Variants in NBAS observed in about 807,000 individuals in gnomAD.
The protein encoded by NBAS is NBAS subunit of NRZ tethering complex, also known as NAG/BC035112 fusion.
A neutral mutation model predicts 302.5 loss-of-function variants in NBAS; 219 were observed. That is an observed-to-expected ratio of 0.72 (90% CI 0.65 to 0.81). The LOEUF is 0.81. Among genes scored for constraint, NBAS ranks in the 30% least tolerant of loss-of-function variants. The probability of loss-of-function intolerance (pLI) is 0.00; values close to 1 mark genes in which losing one functional copy is unlikely to be tolerated. For missense variants in NBAS, 2,932 were observed against 2,841.6 expected (o/e 1.03, Z -0.72); for synonymous variants, 1,118 against 1,021.6 (o/e 1.09, Z -1.80).
intron 7 of NBAS, among the ~76,000 whole-genome samples, chr2:15,538,070 G>C (rs75327419): frequency 0.039 from 5,958 of 152,206 alleles, 365 homozygotes; most frequent in African/African-American, 0.13. Flanking sequence ...CATTAATAAT[G>C]TTTTATATTG....
At chr2:15,049,937 C>G in the NBAS span, among the ~76,000 whole-genome samples, 1 of 152,226 alleles carries the variant, frequency 6.6e-6, no homozygotes, top group African/African-American at 2.4e-5. Context: ...GACATGCTAG[C>G]CGCAGGTATC....
At chr2:14,969,391 T>A in the NBAS span, among the ~76,000 whole-genome samples, 2 of 149,346 alleles carry the variant, frequency 1.3e-5, no homozygotes, top group East Asian at 2.0e-4. Flanking sequence ...TATTATTATT[T>A]TTGAGATGGA....
At chr2:15,336,405 T>C (rs1165344136) in intron 35 of NBAS, among the ~76,000 whole-genome samples, 1 of 152,210 alleles carries the variant, frequency 6.6e-6, no homozygotes, top group Non-Finnish European at 1.5e-5. Flanking sequence ...CTGCTTTTAC[T>C]GTGCTGATTA....
chr2:15,037,988 G>A, the NBAS span, among the ~76,000 whole-genome samples: 1 of 151,202 alleles, frequency 6.6e-6, no homozygotes, highest in African/African-American at 2.4e-5. Context: ...GCCTCAAATT[G>A]GATACACTTC....
At chr2:14,828,723 G>A in the NBAS span, among the ~76,000 whole-genome samples, 4 of 152,164 alleles carry the variant, frequency 2.6e-5, no homozygotes, top group Non-Finnish European at 5.9e-5. Flanking sequence ...AGTGGAGCAG[G>A]AAGAAGTGAA....
chr2:15,550,119 C>A lies in NBAS; in HGVS notation c.379+1374G>T, dbSNP rs370695253. Among the ~76,000 whole-genome samples, 29 of 152,228 alleles carry A rather than the reference C, an allele frequency of 1.9e-4. No individual in the cohort carries two copies. In the East Asian group the frequency reaches 3.3e-3, roughly 17 times the overall value. ...GTCAGGCTGCAGTAAACCATGATCA[C>A]ACCACTGCACTCCGGCCTGGCAACA... is the stretch of plus-strand genomic sequence containing the variant. On this transcript the variant is annotated intron_variant, in intron 6 of 51. Coordinates refer to ENST00000281513, the MANE Select transcript of NBAS (RefSeq NM_015909.4).
chr2:15,274,946 GT>G (rs1038883194), intron 44 of NBAS, among the ~76,000 whole-genome samples: 43 of 145,082 alleles, frequency 3.0e-4, no homozygotes, highest in Non-Finnish European at 4.9e-4. Context: ...TTTTTTTTTG[GT>G]TTTTTTTTTT....
chr2:15,389,045 G>C (rs1675457160), intron 28 of NBAS, among the ~76,000 whole-genome samples: 1 of 152,110 alleles, frequency 6.6e-6, no homozygotes, highest in Admixed American at 6.6e-5. Context: ...CACATGGATA[G>C]CATCCTACTT....
the NBAS span, among the ~76,000 whole-genome samples, chr2:15,056,593 G>A: frequency 6.6e-6 from 1 of 152,156 alleles, no homozygotes; most frequent in Non-Finnish European, 1.5e-5. Context: ...ATGCACACAT[G>A]AGACACTCAC....
At chr2:14,794,604 G>A in the NBAS span, among the ~76,000 whole-genome samples, 1 of 151,862 alleles carries the variant, frequency 6.6e-6, no homozygotes, top group Non-Finnish European at 1.5e-5. Flanking sequence ...GCTTTATTGG[G>A]TAAAGTTTAC....
At chr2:15,336,502 G>A (rs1007241526) in intron 35 of NBAS, among the ~76,000 whole-genome samples, 1 of 152,196 alleles carries the variant, frequency 6.6e-6, no homozygotes, top group Non-Finnish European at 1.5e-5. Context: ...GGGAGGCTGA[G>A]GTGGGCAGAT....
At chr2:14,799,883 G>A in the NBAS span, among the ~76,000 whole-genome samples, 12 of 152,080 alleles carry the variant, frequency 7.9e-5, no homozygotes, top group Admixed American at 5.9e-4. Context: ...TCCACTCGTC[G>A]TTTGTTTAGT....
the NBAS span, among the ~76,000 whole-genome samples, chr2:14,822,604 C>G: frequency 6.6e-6 from 1 of 152,154 alleles, no homozygotes; most frequent in African/African-American, 2.4e-5. Flanking sequence ...ATGAAGATAG[C>G]AAGACCCATG....
chr2:15,248,873 A>C (rs1443827200), intron 44 of NBAS, among the ~76,000 whole-genome samples: 1 of 152,186 alleles, frequency 6.6e-6, no homozygotes, highest in African/African-American at 2.4e-5. Flanking sequence ...GCCGAAATCT[A>C]CCAGAGATAC....
the NBAS span, among the ~76,000 whole-genome samples, chr2:14,956,415 A>T: frequency 6.6e-6 from 1 of 152,162 alleles, no homozygotes; most frequent in Admixed American, 6.5e-5. Flanking sequence ...TCTGCCTGCT[A>T]CCCAGTTCTA....
intron 44 of NBAS, among the ~76,000 whole-genome samples, chr2:15,254,009 C>A (rs532498825): frequency 3.9e-5 from 6 of 152,272 alleles, no homozygotes; most frequent in African/African-American, 1.2e-4. Flanking sequence ...GAGAGAGGAA[C>A]GTGAATTCTC....
chr2:15,333,901 G>C (rs535753503), intron 35 of NBAS, among the ~76,000 whole-genome samples: 1 of 149,822 alleles, frequency 6.7e-6, no homozygotes, highest in Non-Finnish European at 1.5e-5. Flanking sequence ...GACCAGGTTC[G>C]TACAGAGAGG....
the NBAS span, among the ~76,000 whole-genome samples, chr2:14,985,023 C>T: frequency 0.021 from 3,211 of 152,072 alleles, 133 homozygotes; most frequent in African/African-American, 0.074. Flanking sequence ...ATGAAAACTT[C>T]GTGAAATTAT....
chr2:15,154,509 T>C, the NBAS span, among the ~76,000 whole-genome samples: 1 of 152,202 alleles, frequency 6.6e-6, no homozygotes, highest in Non-Finnish European at 1.5e-5. Context: ...TCTGAGTATC[T>C]GGGGGCATGA....
Sources: gnomAD v4.1 joint callset for allele counts (sites outside exome capture counted in the v4.1 genomes callset) on GRCh38, gnomAD v4.1.1 for gene constraint, MANE v1.5 for transcripts, NCBI Gene and HGNC (gene_info 2026-07-23, HGNC 2026-07-21) for gene names.